The following C11orf71 variants were observed in gnomAD, a reference collection of about 807,000 sequenced individuals.
C11orf71 encodes the protein uncharacterized protein C11orf71.
For missense variants in C11orf71, 179 were observed against 167.6 expected (o/e 1.07, Z -0.38); for synonymous variants, 72 against 73.4 (o/e 0.98, Z 0.09).
At chr11:114,394,266 T>TC (rs1565256705), downstream of C11orf71, among the ~76,000 whole-genome samples, 2 of 77,758 alleles carry the variant, frequency 2.6e-5, no homozygotes, top group Non-Finnish European at 4.4e-5. Context: ...TCTTTTCTTT[T>TC]CTTTTCTTTT....
chr11:114,397,215 A>C (rs11214979), downstream of C11orf71, among the ~76,000 whole-genome samples: 8 of 152,156 alleles, frequency 5.3e-5, no homozygotes, highest in Non-Finnish European at 7.3e-5. Flanking sequence ...ATTGTTTGGG[A>C]CAATTCTTAG....
Position 114,400,356 on chromosome 11 carries a change from G to C in C11orf71, c.-25C>G. On this transcript the variant is annotated 5_prime_UTR_variant, in exon 1 of 1. Transcript: ENST00000623205. ...TATTCAAACACTGCCCGCAGTACTTGCGTTACGTCCCTTTGTGAAGGCAGG... is the reference window on the plus strand; with the variant it reads ...TATTCAAACACTGCCCGCAGTACTTCCGTTACGTCCCTTTGTGAAGGCAGG... The C allele has an allele frequency of 6.3e-7, 1 of 1,576,192 alleles. No individual in the cohort carries two copies.
chr11:114,400,105 C>T lies in C11orf71; in HGVS notation c.227G>A (p.Arg76Lys). The T allele has an allele frequency of 3.1e-6, 5 of 1,613,520 alleles. No homozygotes were observed. The highest frequency in any genetic ancestry group is 4.2e-6 in the Non-Finnish European group (5 of 1,179,882). ...GCTCCGGCCCCGGCCATCTGGTTCC[C>T]TTGGGCTCCGGCCGCCACCATCCAC... The part of the protein sequence containing the change: ...RRVDGGGRSP[R>K]EPDGRGRSRQ... Residue 76 changes from arginine (R) to lysine (K), a missense_variant, in exon 1 of 1, where the codon AGG (arginine) becomes AAG (lysine). By Grantham distance (26) the Arg-to-Lys change is conservative. Transcript: ENST00000623205.
At position 114,399,871 on chromosome 11, in the gene C11orf71, A is replaced by G; in HGVS notation, c.*89T>C. ...TAAATGAAAATACATCCATCTAAAA[A>G]TAAAACAACACGATTGCTGCTACAC... On this transcript the variant is annotated 3_prime_UTR_variant, in exon 1 of 1. Transcript: ENST00000623205. 6.9e-7 allele frequency: 1 copy of G among 1,452,330 alleles called. No homozygotes were observed. The highest frequency in any genetic ancestry group is 9.1e-7 in the Non-Finnish European group (1 of 1,102,282). The allele number at this position is 1,452,330 out of a possible 1,614,324, so 90.0% of individuals were successfully genotyped here.
chr11:114,395,446 C>A (rs540192518), downstream of C11orf71, among the ~76,000 whole-genome samples: 9 of 152,326 alleles, frequency 5.9e-5, no homozygotes, highest in South Asian at 1.9e-3. Flanking sequence ...GCTGGCAATG[C>A]AGCTTGGTCA....
rs539646607 is a variant in C11orf71, at chr11:114,400,044, G to C, written c.288C>G (p.Ala96=). 6 of 1,614,036 alleles carry C rather than the reference G, an allele frequency of 3.7e-6. No individual in the cohort carries two copies. The Admixed American group carries it at 5.0e-5, about 13-fold the overall frequency. ...QARFSPYPIP[A]VEPDLLRSVL... is the part of the protein sequence containing the mutation. ...CACTTCTTAGGAGATCGGGTTCAAC[G>C]GCAGGGATTGGGTAAGGTGAGAATC... Residue 96 remains alanine, a synonymous_variant, in exon 1 of 1, where the codon GCC becomes GCG. Coordinates refer to ENST00000623205, the MANE Select transcript of C11orf71 (RefSeq NM_001271562.2).
At position 114,391,631 on chromosome 11, in the gene C11orf71, TG is replaced by T. The variant is rs1946072835; in HGVS notation, c.377del (p.Ala126GlufsTer5). 1 of 1,536,264 alleles carries T rather than the reference TG, an allele frequency of 6.5e-7. No individual in the cohort carries two copies. The highest frequency in any genetic ancestry group is 1.4e-5 in the African/African-American group (1 of 72,784). ...TTGAACACCATCTTAAATCAGGGGT[TG>T]CAGACTCAGATAGCTTCAGGGTCCA... On this transcript the variant is annotated frameshift_variant, in exon 2 of 2. Transcript: ENST00000325636. LOFTEE classifies it low-confidence loss of function (END_TRUNC).
At position 114,400,094 on chromosome 11, in the gene C11orf71, C is replaced by A; in HGVS notation, c.238G>T (p.Gly80Cys). Residue 80 changes from glycine (G) to cysteine (C), a missense_variant, in exon 1 of 1, where the codon GGC (glycine) becomes TGC (cysteine). Coordinates refer to ENST00000623205, the MANE Select transcript of C11orf71 (RefSeq NM_001271562.2). The stretch of plus-strand genomic sequence containing the variant: ...CTGGCTTGGCGGCTCCGGCCCCGGC[C>A]ATCTGGTTCCCTTGGGCTCCGGCCG... Reference protein sequence around the residue: ...GGGRSPREPDGRGRSRQARFS... With the variant: ...GGGRSPREPDCRGRSRQARFS... 6.2e-7 allele frequency: 1 copy of A among 1,613,808 alleles called. No individual in the cohort carries two copies. The highest frequency in any genetic ancestry group is 8.5e-7 in the Non-Finnish European group (1 of 1,179,890).
intron 1 of C11orf71, among the ~76,000 whole-genome samples, chr11:114,392,624 GGGA>G (rs1331274431): frequency 9.2e-5 from 14 of 151,450 alleles, no homozygotes; most frequent in Non-Finnish European, 2.1e-4. Flanking sequence ...CCAGCTACTG[GGGA>G]GGCTGAGGTG....
rs1295186075 is a variant in C11orf71 at position 114,400,209 on chromosome 11, G to A, written c.123C>T (p.Phe41=). ...GAATCGCTTCAGGCCTGGAAACGAG[G>A]AAGCCGTCTCCGGAGACCATCGCCA... ...SALAMVSGDG[F]LVSRPEAIHL... Residue 41 remains phenylalanine, a synonymous_variant, in exon 1 of 1, where the codon TTC becomes TTT. Coordinates refer to ENST00000623205, the MANE Select transcript of C11orf71 (RefSeq NM_001271562.2). 5.0e-6 allele frequency: 8 copies of A among 1,613,054 alleles called. No individual in the cohort carries two copies. The highest frequency in any genetic ancestry group is 6.8e-6 in the Non-Finnish European group (8 of 1,179,626).
chr11:114,394,112 T>C, downstream of C11orf71, among the ~76,000 whole-genome samples: 1 of 151,820 alleles, frequency 6.6e-6, no homozygotes, highest in East Asian at 1.9e-4. Flanking sequence ...CCCAAGTAGC[T>C]GGGACTACAG....
At chr11:114,394,184 T>A (rs566448308), downstream of C11orf71, among the ~76,000 whole-genome samples, 1 of 49,540 alleles carries the variant, frequency 2.0e-5, no homozygotes, top group Admixed American at 2.3e-4. Context: ...GTTTCGTTTC[T>A]TTTCTTTTCT....
chr11:114,394,183 C>CG (rs1462182698), downstream of C11orf71, among the ~76,000 whole-genome samples: 5 of 42,302 alleles, frequency 1.2e-4, no homozygotes, highest in East Asian at 8.5e-4. Flanking sequence ...GGTTTCGTTT[C>CG]TTTTCTTTTC....
chr11:114,394,248 T>TTTCTTTTCTTTTC (rs1565256613), downstream of C11orf71, among the ~76,000 whole-genome samples: 459 of 61,848 alleles, frequency 7.4e-3, 7 homozygotes, highest in Admixed American at 0.017. Context: ...TTTTCTTTTC[T>TTTCTTTTCTTTTC]TTTCTTTTCT....
chr11:114,391,717 AAAAATGCATGTCCCAGC>A (rs1406480771), intron 1 of C11orf71: 6 of 724,730 alleles, frequency 8.3e-6, no homozygotes, highest in Middle Eastern at 2.4e-4. Context: ...GGTGGTAACC[AAAAATGCATGTCCCAGC>A]AAAAGGGATT....
exon 2 of C11orf71, chr11:114,391,449 C>A: frequency 3.9e-6 from 2 of 517,876 alleles, no homozygotes; most frequent in Non-Finnish European, 6.2e-6. Flanking sequence ...AACATTTTGG[C>A]AATTCTAGTT....
At position 114,400,418 on chromosome 11, in the gene C11orf71, G is replaced by A. The variant is rs1946178445; in HGVS notation, c.-87C>T. 1 of 1,455,370 alleles carries A rather than the reference G, an allele frequency of 6.9e-7. No individual in the cohort carries two copies. The highest frequency in any genetic ancestry group is 9.1e-7 in the Non-Finnish European group (1 of 1,095,256). The allele number at this position is 1,455,370 out of a possible 1,614,324, so 90.2% of individuals were successfully genotyped here. ...TCCCCAGATCAGTCCAGCCTGTGTC[G>A]GACCCGATGACTAAGCACACAGGAA... On this transcript the variant is annotated 5_prime_UTR_variant, in exon 1 of 1. An upstream open reading frame in the 5' UTR gains an earlier in-frame stop. Coordinates refer to ENST00000623205, the MANE Select transcript of C11orf71 (RefSeq NM_001271562.2).
chr11:114,396,298 A>G (rs781228872), downstream of C11orf71, among the ~76,000 whole-genome samples: 2 of 152,298 alleles, frequency 1.3e-5, no homozygotes, highest in Non-Finnish European at 2.9e-5. Flanking sequence ...CTTTTTCTGA[A>G]CCTTTAACAT....
At chr11:114,394,219 T>TTTCCTTTCC (rs1565256453), downstream of C11orf71, among the ~76,000 whole-genome samples, 8 of 41,126 alleles carry the variant, frequency 1.9e-4, no homozygotes, top group Non-Finnish European at 3.6e-4. Flanking sequence ...TTTTCTTTTC[T>TTTCCTTTCC]TTTCTTTTCT....
Sources: gnomAD v4.1 joint callset for allele counts (sites outside exome capture counted in the v4.1 genomes callset) on GRCh38, gnomAD v4.1.1 for gene constraint, MANE v1.5 for transcripts, NCBI Gene and HGNC (gene_info 2026-07-23, HGNC 2026-07-21) for gene names.